The following UNC5D variants were observed in gnomAD, a reference collection of about 807,000 sequenced individuals.
The protein encoded by UNC5D is netrin receptor UNC5D.
A neutral mutation model predicts 105.4 loss-of-function variants in UNC5D; 39 were observed. That is an observed-to-expected ratio of 0.37 (90% CI 0.29 to 0.48). The LOEUF is 0.48. Ranked by LOEUF, UNC5D falls within the 20% of genes least tolerant of loss-of-function variation. UNC5D has a pLI of 0.98. For missense variants in UNC5D, 991 were observed against 1,202.4 expected, an observed-to-expected ratio of 0.82 and a Z score of 2.60; for synonymous variants, 452 against 450.4, an observed-to-expected ratio of 1.00 and a Z score of -0.04.
chr8:35,474,939 G>A (rs553247051), intron 1 of UNC5D, among the ~76,000 whole-genome samples: 1 of 152,164 alleles, frequency 6.6e-6, no homozygotes, highest in African/African-American at 2.4e-5. Flanking sequence ...AGTGTCAGTA[G>A]GTGAGTGAGG....
chr8:35,559,665 C>T (rs1816817206), intron 2 of UNC5D, among the ~76,000 whole-genome samples: 2 of 152,178 alleles, frequency 1.3e-5, no homozygotes, highest in South Asian at 4.1e-4. Flanking sequence ...AGTTAGGATC[C>T]TAGACTATGA....
chr8:35,744,294 T>G (rs1232695678), intron 11 of UNC5D, among the ~76,000 whole-genome samples: 1 of 152,222 alleles, frequency 6.6e-6, no homozygotes, highest in Non-Finnish European at 1.5e-5. Context: ...TCATTCATGC[T>G]AGGTGGTGTC....
At chr8:35,498,084 CAAAAAAAAAA>C (rs58175711) in intron 1 of UNC5D, among the ~76,000 whole-genome samples, 3 of 58,150 alleles carry the variant, frequency 5.2e-5, no homozygotes, top group Admixed American at 1.5e-4. Flanking sequence ...CAAAACAAAA[CAAAAAAAAAA>C]AAAAAAAAAA....
chr8:35,504,874 CT>C (rs1812206347), intron 1 of UNC5D, among the ~76,000 whole-genome samples: 1 of 152,166 alleles, frequency 6.6e-6, no homozygotes, highest in African/African-American at 2.4e-5. Flanking sequence ...ATATGGCTCC[CT>C]GTGTCCACGT....
At chr8:35,750,469 C>G (rs1830220665) in intron 12 of UNC5D, 113 bp from the exon 13 acceptor site, 1 of 1,094,738 alleles carries the variant, frequency 9.1e-7, no homozygotes, top group Non-Finnish European at 1.3e-6. Context: ...GGCAATAGGA[C>G]TATTCTGAAA....
chr8:35,343,477 A>G (rs1211188158), intron 1 of UNC5D, among the ~76,000 whole-genome samples: 1 of 151,892 alleles, frequency 6.6e-6, no homozygotes, highest in Non-Finnish European at 1.5e-5. Context: ...AATTTGGTTT[A>G]TTGTTTATAG....
intron 7 of UNC5D, among the ~76,000 whole-genome samples, chr8:35,688,158 CAACA>C (rs1826150633): frequency 7.0e-6 from 1 of 141,942 alleles, no homozygotes; most frequent in African/African-American, 3.0e-5. Flanking sequence ...AAAACAACAA[CAACA>C]AAAAAAAACA....
intron 1 of UNC5D, among the ~76,000 whole-genome samples, chr8:35,356,752 A>G (rs751925021): frequency 1.3e-4 from 19 of 151,980 alleles, no homozygotes; most frequent in Non-Finnish European, 2.1e-4. Flanking sequence ...CTTTCAGGCC[A>G]TTAAGAAGTA....
intron 1 of UNC5D, among the ~76,000 whole-genome samples, chr8:35,470,491 C>T (rs1254391523): frequency 6.6e-6 from 1 of 151,138 alleles, no homozygotes; most frequent in Non-Finnish European, 1.5e-5. Flanking sequence ...TGTGCTGACT[C>T]ACGCCTGTAA....
chr8:35,277,298 G>A (rs534921896), intron 1 of UNC5D, among the ~76,000 whole-genome samples: 33 of 152,302 alleles, frequency 2.2e-4, no homozygotes, highest in African/African-American at 7.2e-4. Context: ...TGAAACTATT[G>A]CTGTGTCTGC....
chr8:35,748,399 T>G (rs1645586128), intron 11 of UNC5D, 128 bp from the exon 12 acceptor site: 6 of 1,003,672 alleles, frequency 6.0e-6, no homozygotes, highest in Non-Finnish European at 8.4e-6. Flanking sequence ...CAGTCCTTTG[T>G]AAAAGAAAAT....
At chr8:35,385,067 C>A (rs952523451) in intron 1 of UNC5D, among the ~76,000 whole-genome samples, 1 of 152,036 alleles carries the variant, frequency 6.6e-6, no homozygotes, top group Non-Finnish European at 1.5e-5. Context: ...CTTGGCAGGC[C>A]GCCATGTAAC....
chr8:35,322,109 T>C (rs1809792838), intron 1 of UNC5D, among the ~76,000 whole-genome samples: 1 of 152,170 alleles, frequency 6.6e-6, no homozygotes, highest in African/African-American at 2.4e-5. Flanking sequence ...GAAGGAAAAG[T>C]GTTATGAGTG....
At chr8:35,328,158 T>G (rs946623543) in intron 1 of UNC5D, among the ~76,000 whole-genome samples, 14 of 152,222 alleles carry the variant, frequency 9.2e-5, no homozygotes, top group African/African-American at 2.9e-4. Context: ...TGTGTATTTG[T>G]TCCAAAAAAT....
At chr8:35,761,123 T>C (rs1380008863) in intron 14 of UNC5D, among the ~76,000 whole-genome samples, 1 of 152,166 alleles carries the variant, frequency 6.6e-6, no homozygotes, top group African/African-American at 2.4e-5. Context: ...GTGTTGTTTA[T>C]GATATTCAAG....
chr8:35,253,611 C>CGAGTAGCTG (rs1803870908), intron 1 of UNC5D, among the ~76,000 whole-genome samples: 1 of 151,478 alleles, frequency 6.6e-6, no homozygotes, highest in Admixed American at 6.6e-5. Context: ...CTCCGCCTCC[C>CGAGTAGCTG]GAGTAGCTGG....
At chr8:35,422,349 T>C (rs929011285) in intron 1 of UNC5D, among the ~76,000 whole-genome samples, 2 of 152,350 alleles carry the variant, frequency 1.3e-5, no homozygotes, top group African/African-American at 2.4e-5. Context: ...TCAGTTATTC[T>C]ATGTTTTGCT....
At chr8:35,269,016 A>G (rs960451598) in intron 1 of UNC5D, among the ~76,000 whole-genome samples, 2 of 152,168 alleles carry the variant, frequency 1.3e-5, no homozygotes, top group African/African-American at 4.8e-5. Flanking sequence ...CATAGTTTAC[A>G]TTAATCTATT....
At chr8:35,747,807 C>G (rs1830077456) in intron 11 of UNC5D, among the ~76,000 whole-genome samples, 1 of 152,194 alleles carries the variant, frequency 6.6e-6, no homozygotes. Context: ...TTCCATGACA[C>G]TGCATTCTCA....
Sources: gnomAD v4.1 joint callset for allele counts (sites outside exome capture counted in the v4.1 genomes callset) on GRCh38, gnomAD v4.1.1 for gene constraint, MANE v1.5 for transcripts, NCBI Gene and HGNC (gene_info 2026-07-23, HGNC 2026-07-21) for gene names.